Variants in PCSK5 observed in about 807,000 individuals in gnomAD.
The protein encoded by PCSK5 is proprotein convertase subtilisin/kexin type 5, also known as prohormone convertase 5.
PCSK5 carries 129 observed loss-of-function variants against 233.2 expected under a neutral mutation model. That is an observed-to-expected ratio of 0.55 (90% CI 0.48 to 0.64). The LOEUF (loss-of-function observed/expected upper bound fraction) is 0.64. PCSK5 is among the 30% of genes least tolerant of loss of function. The pLI, the probability that PCSK5 is intolerant of heterozygous loss-of-function variation, is 0.00. For missense variants in PCSK5, 2,076 were observed against 2,430.1 expected (o/e 0.85, Z 3.06); for synonymous variants, 825 against 879.2 (o/e 0.94, Z 1.09).
At chr9:76,005,188 A>G (rs189115431) in intron 3 of PCSK5, among the ~76,000 whole-genome samples, 3 of 152,318 alleles carry the variant, frequency 2.0e-5, no homozygotes, top group Admixed American at 1.3e-4. Context: ...CTTATGTACA[A>G]TTTAAGATTT....
intron 3 of PCSK5, among the ~76,000 whole-genome samples, chr9:76,021,993 T>G (rs1252942962): frequency 6.6e-6 from 1 of 152,280 alleles, no homozygotes; most frequent in South Asian, 2.1e-4. Flanking sequence ...CATCTTTGCA[T>G]TTGCTGTGTC....
intron 7 of PCSK5, among the ~76,000 whole-genome samples, chr9:76,081,782 C>G (rs1052975987): frequency 1.3e-5 from 2 of 152,052 alleles, no homozygotes; most frequent in African/African-American, 4.8e-5. Flanking sequence ...TCCCATTCAC[C>G]CAGTCTCCCT....
chr9:75,896,049 G>A (rs2131185118), intron 1 of PCSK5, among the ~76,000 whole-genome samples: 1 of 152,276 alleles, frequency 6.6e-6, no homozygotes, highest in South Asian at 2.1e-4. Context: ...TGGTGCTGTA[G>A]TCCCAGATTG....
intron 8 of PCSK5, among the ~76,000 whole-genome samples, 180 bp from the exon 9 acceptor site, chr9:76,107,071 A>G (rs867481823): frequency 6.9e-6 from 1 of 144,312 alleles, no homozygotes; most frequent in South Asian, 2.2e-4. Flanking sequence ...TTCCCTTTTC[A>G]GAGTTGATCT....
chr9:76,337,635 G>A (rs1480550784), intron 34 of PCSK5, among the ~76,000 whole-genome samples: 1 of 151,768 alleles, frequency 6.6e-6, no homozygotes, highest in Admixed American at 6.6e-5. Context: ...TACCATGTCT[G>A]GCTAATTTTT....
rs148523532 is a variant in PCSK5 at position 76,180,065 on chromosome 9, T to TTA, written c.2003+377_2003+378dup. Among the ~76,000 whole-genome samples, 134 of 116,150 alleles carry TTA rather than the reference T, an allele frequency of 1.2e-3. 1 individual carries two copies. Among genetic ancestry groups the TTA allele is most frequent in the South Asian group, 2.2e-3 (8 of 3,604 alleles). The allele number at this position is 116,150 out of a possible 152,430, so 76.2% of individuals were successfully genotyped here. A position where few individuals can be genotyped will look rare whatever the true frequency, so the allele number is the denominator to read the frequency against. ...GTATTTATAATGCATAACATGATGT[T>TTA]TATATATATATGTGTGTGTGTGTAT... On this transcript the variant is annotated intron_variant, in intron 15 of 37. Transcript: ENST00000674117.
At chr9:76,035,821 A>G (rs1828838257) in intron 5 of PCSK5, among the ~76,000 whole-genome samples, 1 of 152,196 alleles carries the variant, frequency 6.6e-6, no homozygotes, top group African/African-American at 2.4e-5. Context: ...GAAATATGTA[A>G]GAGGTAGAGA....
chr9:75,915,975 A>C (rs1822970462), intron 1 of PCSK5, among the ~76,000 whole-genome samples: 2 of 152,220 alleles, frequency 1.3e-5, no homozygotes, highest in African/African-American at 4.8e-5. Context: ...CTTGGTAGGC[A>C]TAATGGTTAT....
chr9:76,089,629 C>G (rs1042878251), intron 7 of PCSK5, among the ~76,000 whole-genome samples: 5 of 152,162 alleles, frequency 3.3e-5, no homozygotes, highest in Non-Finnish European at 7.3e-5. Flanking sequence ...CTTTTTATAT[C>G]ACAAGAAACC....
At chr9:75,921,568 G>T (rs1564083068) in intron 1 of PCSK5, among the ~76,000 whole-genome samples, 1 of 148,210 alleles carries the variant, frequency 6.7e-6, no homozygotes, top group Non-Finnish European at 1.5e-5. Context: ...TATTTCGTTT[G>T]TGTGTGTGTG....
intron 3 of PCSK5, among the ~76,000 whole-genome samples, chr9:76,013,928 C>G (rs1827837523): frequency 6.6e-6 from 1 of 151,266 alleles, no homozygotes; most frequent in Non-Finnish European, 1.5e-5. Context: ...AAATTATTTC[C>G]CATAATTTTT....
At chr9:76,180,118 T>C (rs111633346) in intron 15 of PCSK5, among the ~76,000 whole-genome samples, 6,635 of 145,884 alleles carry the variant, frequency 0.045, 344 homozygotes, top group African/African-American at 0.12. Context: ...CACACACACA[T>C]ATACATACGT....
chr9:76,112,546 C>G (rs1268617082), intron 9 of PCSK5, among the ~76,000 whole-genome samples: 1 of 152,064 alleles, frequency 6.6e-6, no homozygotes, highest in African/African-American at 2.4e-5. Flanking sequence ...CTACTTTCTC[C>G]TTATTACTTA....
intron 24 of PCSK5, among the ~76,000 whole-genome samples, chr9:76,272,715 C>T (rs1403999895): frequency 7.9e-6 from 1 of 126,830 alleles, no homozygotes; most frequent in African/African-American, 2.9e-5. Context: ...GCAGAGATTG[C>T]AGTGAGCCGA....
intron 14 of PCSK5, among the ~76,000 whole-genome samples, chr9:76,177,035 A>T (rs773256862): frequency 1.3e-5 from 2 of 152,182 alleles, no homozygotes; most frequent in Non-Finnish European, 2.9e-5. Context: ...CACGCCTGTA[A>T]TCCCAGCACT....
intron 20 of PCSK5, among the ~76,000 whole-genome samples, chr9:76,219,910 C>T (rs1018881089): frequency 2.6e-5 from 4 of 152,188 alleles, no homozygotes; most frequent in Non-Finnish European, 5.9e-5. Flanking sequence ...ACTTAGATAT[C>T]GCCTCACCGT....
At chr9:76,336,500 G>A (rs2803441) in intron 34 of PCSK5, among the ~76,000 whole-genome samples, 128,507 of 152,138 alleles carry the variant, frequency 0.84, 54,569 homozygotes, top group South Asian at 0.9. Context: ...ACCTTTGTTT[G>A]CCTTCAATTA....
chr9:76,191,456 T>C (rs1018130894), intron 20 of PCSK5, among the ~76,000 whole-genome samples: 1 of 152,160 alleles, frequency 6.6e-6, no homozygotes, highest in Non-Finnish European at 1.5e-5. Flanking sequence ...AAGAAGATAA[T>C]ACTACTGACC....
At position 76,119,246 on chromosome 9, in the gene PCSK5, C is replaced by T. The variant is rs73650441; in HGVS notation, c.1208+11895C>T. Among the ~76,000 whole-genome samples the T allele has an allele frequency of 3.4e-3, 511 of 152,190 alleles. 4 individuals carry two copies. Among genetic ancestry groups the T allele is most frequent in the African/African-American group, 0.011 (469 of 41,558 alleles). ...CATATTTGTCTTACCTGCATATACT[C>T]AACATATTACCTTCTGGCCATAGTT... is the stretch of plus-strand genomic sequence containing the variant. On this transcript the variant is annotated intron_variant, in intron 9 of 37. Coordinates refer to ENST00000674117, the MANE Select transcript of PCSK5 (RefSeq NM_001372043.1).
Sources: allele counts gnomAD v4.1 joint callset (sites outside exome capture counted in the v4.1 genomes callset), GRCh38; gene constraint gnomAD v4.1.1; transcripts MANE v1.5; gene names NCBI Gene and HGNC (gene_info 2026-07-23, HGNC 2026-07-21).